RNGTT: variants seen among roughly 807,000 people sequenced by gnomAD.
RNGTT encodes RNA guanylyltransferase and 5'-phosphatase.
Under a neutral mutation model 79.3 loss-of-function variants are expected in RNGTT, and 33 were observed. The observed-to-expected ratio is 0.42, with a 90% confidence interval of 0.32 to 0.56. The LOEUF (loss-of-function observed/expected upper bound fraction) is 0.56. RNGTT is among the 20% of genes least tolerant of loss of function. The probability of loss-of-function intolerance (pLI) is 0.17; values close to 1 mark genes in which losing one functional copy is unlikely to be tolerated. For missense variants in RNGTT, 497 were observed against 739.1 expected (o/e 0.67, Z 3.80); for synonymous variants, 222 against 235.9 (o/e 0.94, Z 0.54).
At position 88,801,840 on chromosome 6, in the gene RNGTT, C is replaced by T. The variant is rs1413635692; in HGVS notation, c.1270-208G>A. 2.6e-5 allele frequency among the ~76,000 whole-genome samples: 4 copies of T among 151,488 alleles called. No homozygotes were observed. In the South Asian group the frequency reaches 8.3e-4, roughly 32 times the overall value. On this transcript the variant is annotated intron_variant, in intron 11 of 15. Coordinates refer to ENST00000369485, the MANE Select transcript of RNGTT (RefSeq NM_003800.5). ...ACACACAGACACACACACACACACA[C>T]ACACACACACACACACACAAATTTC...
chr6:88,849,618 A>T (rs922330540), intron 10 of RNGTT, 137 bp downstream of exon 10: 1 of 644,146 alleles, frequency 1.6e-6, no homozygotes, highest in Non-Finnish European at 2.3e-6. Flanking sequence ...AAAAGGATTA[A>T]AAAAAAGATT....
intron 14 of RNGTT, among the ~76,000 whole-genome samples, chr6:88,649,498 C>T (rs1773712753): frequency 6.6e-6 from 1 of 152,102 alleles, no homozygotes; most frequent in South Asian, 2.1e-4. Context: ...GAGATCGAGA[C>T]CAGCCTGGCT....
chr6:88,702,695 C>CA (rs1437779088), intron 13 of RNGTT, among the ~76,000 whole-genome samples: 1 of 151,998 alleles, frequency 6.6e-6, no homozygotes, highest in Non-Finnish European at 1.5e-5. Context: ...GCAACAAAAA[C>CA]AAAAATTGAC....
intron 14 of RNGTT, among the ~76,000 whole-genome samples, chr6:88,640,566 GAA>G (rs72031584): frequency 1.6e-5 from 2 of 128,914 alleles, no homozygotes; most frequent in South Asian, 2.4e-4. Context: ...AAAAAGAAAA[GAA>G]AAAAAAAAAA....
At chr6:88,705,402 T>C (rs1392234715) in intron 13 of RNGTT, among the ~76,000 whole-genome samples, 1 of 151,730 alleles carries the variant, frequency 6.6e-6, no homozygotes, top group East Asian at 1.9e-4. Flanking sequence ...CAAACTTATA[T>C]GTAGATTACT....
At chr6:88,910,547 G>C (rs1349387255) in intron 4 of RNGTT, among the ~76,000 whole-genome samples, 1 of 152,146 alleles carries the variant, frequency 6.6e-6, no homozygotes, top group African/African-American at 2.4e-5. Flanking sequence ...AGAAGAAAGA[G>C]TAAGCACCAT....
chr6:88,879,974 G>T (rs1279256198), intron 8 of RNGTT, among the ~76,000 whole-genome samples: 3 of 152,118 alleles, frequency 2.0e-5, no homozygotes, highest in African/African-American at 4.8e-5. Flanking sequence ...GGATATGGCT[G>T]CTTTTTATCT....
chr6:88,872,508 T>C (rs1032287402), intron 8 of RNGTT, among the ~76,000 whole-genome samples: 6 of 152,182 alleles, frequency 3.9e-5, no homozygotes, highest in African/African-American at 1.4e-4. Flanking sequence ...TAACTGTACT[T>C]TCCAAAATAA....
At chr6:88,919,517 AG>A (rs1784098937) in intron 4 of RNGTT, among the ~76,000 whole-genome samples, 1 of 152,000 alleles carries the variant, frequency 6.6e-6, no homozygotes, top group Non-Finnish European at 1.5e-5. Flanking sequence ...GGGTATAGAC[AG>A]GGTCTCTCTA....
intron 11 of RNGTT, among the ~76,000 whole-genome samples, chr6:88,817,655 C>A (rs1439944407): frequency 6.6e-6 from 1 of 151,674 alleles, no homozygotes; most frequent in Non-Finnish European, 1.5e-5. Flanking sequence ...TAATCAGCAA[C>A]CTTAACCCTA....
intron 10 of RNGTT, 93 bp from the exon 11 acceptor site, chr6:88,844,614 T>C (rs1163136612): frequency 1.7e-6 from 2 of 1,172,458 alleles, no homozygotes; most frequent in Non-Finnish European, 2.4e-6. Flanking sequence ...TAATAGTCTG[T>C]GTAAACAGCA....
chr6:88,925,331 C>T (rs1377852749), intron 4 of RNGTT, among the ~76,000 whole-genome samples: 2 of 152,080 alleles, frequency 1.3e-5, no homozygotes, highest in African/African-American at 4.8e-5. Flanking sequence ...GGGTTCACGC[C>T]TGTAATCCCA....
chr6:88,727,819 A>G (rs1776971121), intron 13 of RNGTT, among the ~76,000 whole-genome samples: 1 of 152,232 alleles, frequency 6.6e-6, no homozygotes, highest in South Asian at 2.1e-4. Flanking sequence ...AGTTTCTTAG[A>G]AATTATATAC....
At chr6:88,667,221 C>A (rs1582302953) in intron 14 of RNGTT, among the ~76,000 whole-genome samples, 1 of 152,064 alleles carries the variant, frequency 6.6e-6, no homozygotes, top group African/African-American at 2.4e-5. Context: ...TTTTTCAAGG[C>A]AGAAGGGGGG....
chr6:88,941,605 G>C (rs1217494909), intron 1 of RNGTT, among the ~76,000 whole-genome samples: 1 of 151,894 alleles, frequency 6.6e-6, no homozygotes, highest in East Asian at 1.9e-4. Context: ...ATCTAAAAAT[G>C]CAAGTGTTCA....
chr6:88,715,993 G>A (rs1776496948), intron 13 of RNGTT, among the ~76,000 whole-genome samples: 2 of 151,950 alleles, frequency 1.3e-5, no homozygotes, highest in African/African-American at 4.9e-5. Flanking sequence ...AAGAGCTTCT[G>A]CACGGCAAAA....
chr6:88,884,086 G>A (rs959752647), intron 8 of RNGTT, among the ~76,000 whole-genome samples: 5 of 152,156 alleles, frequency 3.3e-5, no homozygotes, highest in South Asian at 4.1e-4. Flanking sequence ...GCAGAAACTC[G>A]TGGTATCTAA....
At chr6:88,847,684 T>A (rs565844233) in intron 10 of RNGTT, among the ~76,000 whole-genome samples, 3 of 152,086 alleles carry the variant, frequency 2.0e-5, no homozygotes, top group East Asian at 1.9e-4. Context: ...AGCATAACAA[T>A]CATTTTTAGA....
At chr6:88,921,646 T>C (rs912597718) in intron 4 of RNGTT, among the ~76,000 whole-genome samples, 2 of 152,106 alleles carry the variant, frequency 1.3e-5, no homozygotes, top group African/African-American at 2.4e-5. Flanking sequence ...GCAGTGAGAA[T>C]AGAAAAATGA....
Sources: gnomAD v4.1 joint callset for allele counts (sites outside exome capture counted in the v4.1 genomes callset) on GRCh38, gnomAD v4.1.1 for gene constraint, MANE v1.5 for transcripts, NCBI Gene and HGNC (gene_info 2026-07-23, HGNC 2026-07-21) for gene names.